Variants in RYR3 observed in about 807,000 individuals in gnomAD.
RYR3 encodes brain ryanodine receptor-calcium release channel.
A neutral mutation model predicts 584.3 loss-of-function variants in RYR3; 207 were observed. The ratio of observed to expected loss-of-function variants is 0.35; its 90% CI spans 0.32 to 0.40. RYR3 has a LOEUF of 0.40. Ranked by LOEUF, RYR3 falls within the 10% of genes least tolerant of loss-of-function variation. RYR3 has a pLI of 1.00. For missense variants in RYR3, 5,616 were observed against 6,089.2 expected (o/e 0.92, Z 2.59); for synonymous variants, 2,416 against 2,248.5 (o/e 1.07, Z -2.11).
intron 1 of RYR3, among the ~76,000 whole-genome samples, chr15:33,415,345 C>T (rs943693731): frequency 2.6e-5 from 4 of 152,076 alleles, no homozygotes; most frequent in African/African-American, 9.7e-5. Context: ...TGTGTGTATA[C>T]AGCTGTAAAA....
intron 1 of RYR3, among the ~76,000 whole-genome samples, chr15:33,378,801 T>C (rs915919587): frequency 6.6e-6 from 1 of 151,978 alleles, no homozygotes; most frequent in Admixed American, 6.6e-5. Context: ...CCCATCTCTA[T>C]AAAAAATAAG....
At chr15:33,398,695 A>T (rs1039389833) in intron 1 of RYR3, among the ~76,000 whole-genome samples, 1 of 152,188 alleles carries the variant, frequency 6.6e-6, no homozygotes, top group African/African-American at 2.4e-5. Flanking sequence ...GAGTGGTGTC[A>T]TGTGGTTAGG....
In RYR3 at chr15:33,788,345, T is replaced by TGGCAAAGGGGACACCCAGGA. The variant is rs1345887080; in HGVS notation, c.9722_9741dup (p.Glu3248LysfsTer29). 1.2e-6 allele frequency: 2 copies of TGGCAAAGGGGACACCCAGGA among 1,613,896 alleles called. No homozygotes were observed. Reference sequence around the variant, plus strand: ...AGGAGGAGGAGCAGTTGAAAGCCGATGGCAAAGGGGACACCCAGGAGGCAG... The same window carrying TGGCAAAGGGGACACCCAGGA: ...AGGAGGAGGAGCAGTTGAAAGCCGATGGCAAAGGGGACACCCAGGAGGCAAAGGGGACACCCAGGAGGCAG... On this transcript the variant is annotated frameshift_variant, in exon 67 of 104. Transcript: ENST00000634891. LOFTEE classifies it high-confidence loss of function.
intron 8 of RYR3, among the ~76,000 whole-genome samples, chr15:33,547,314 G>A (rs966408406): frequency 6.6e-6 from 1 of 152,134 alleles, no homozygotes; most frequent in Non-Finnish European, 1.5e-5. Flanking sequence ...GCAGCTGAAC[G>A]CAGTGTGGTA....
intron 19 of RYR3, among the ~76,000 whole-genome samples, chr15:33,617,173 G>C (rs1190660737): frequency 6.6e-6 from 1 of 152,174 alleles, no homozygotes; most frequent in Non-Finnish European, 1.5e-5. Context: ...TCAGCACTTT[G>C]GGAGGCTGAG....
intron 2 of RYR3, among the ~76,000 whole-genome samples, chr15:33,477,478 A>G (rs1486392527): frequency 6.6e-6 from 1 of 151,428 alleles, no homozygotes. Context: ...CCTTCCTTGA[A>G]GGTCTCCTGA....
chr15:33,445,714 C>T (rs1304857985), intron 1 of RYR3, among the ~76,000 whole-genome samples: 2 of 143,318 alleles, frequency 1.4e-5, no homozygotes, highest in Non-Finnish European at 3.0e-5. Flanking sequence ...CACACACACA[C>T]GAAAGCCATT....
chr15:33,537,696 G>A (rs144396187), intron 5 of RYR3, among the ~76,000 whole-genome samples: 164 of 152,274 alleles, frequency 1.1e-3, no homozygotes, highest in Middle Eastern at 3.4e-3. Flanking sequence ...ATTCCACAGC[G>A]ATGTGTCTTG....
rs2077003057 is a variant in RYR3, at chr15:33,819,674, A to AT, written c.10707-82_10707-81insT. The AT allele has an allele frequency of 1.7e-5, 14 of 847,822 alleles. No homozygotes were observed. In the East Asian group the frequency reaches 4.0e-4, roughly 24 times the overall value. 52.5% of individuals were successfully genotyped at this position (847,822 alleles called of 1,614,324 possible). A position where few individuals can be genotyped will look rare whatever the true frequency, so the allele number is the denominator to read the frequency against. ...AGGGGACAAGAGAAAACTCTGTCTCAAAAATAAATAAATAAATAAATAAAT... is the reference window on the plus strand; with the variant it reads ...AGGGGACAAGAGAAAACTCTGTCTCATAAAATAAATAAATAAATAAATAAAT... On this transcript the variant is annotated intron_variant, in intron 76 of 103. Transcript: ENST00000634891.
chr15:33,858,411 T>C (rs551233484), intron 99 of RYR3, among the ~76,000 whole-genome samples: 1 of 152,128 alleles, frequency 6.6e-6, no homozygotes, highest in Non-Finnish European at 1.5e-5. Context: ...TTCTCTATGT[T>C]GGTCAGGCTG....
chr15:33,669,395 C>A lies in RYR3; in HGVS notation c.5661C>A (p.Pro1887=), dbSNP rs2063683878. ...LLNFQLGENC[P]CPEEIREELY... ...ACTTTCAACTGGGAGAGAACTGCCC[C>A]TGCCCAGAGGAGATTCGGGAGGAGC... Residue 1887 remains proline, a synonymous_variant, in exon 37 of 104, where the codon CCC becomes CCA. Transcript: ENST00000634891. 6.2e-7 allele frequency: 1 copy of A among 1,613,976 alleles called. No homozygotes were observed. Among genetic ancestry groups the A allele is most frequent in the Non-Finnish European group, 8.5e-7 (1 of 1,179,878 alleles).
At chr15:33,718,089 T>G (rs1389099579) in intron 43 of RYR3, among the ~76,000 whole-genome samples, 1 of 152,234 alleles carries the variant, frequency 6.6e-6, no homozygotes, top group Admixed American at 6.5e-5. Context: ...ACCCTGCCCC[T>G]GTGATTCTCT....
intron 16 of RYR3, among the ~76,000 whole-genome samples, chr15:33,589,215 C>T (rs534135886): frequency 7.0e-4 from 107 of 152,270 alleles, no homozygotes; most frequent in Non-Finnish European, 1.2e-3. Context: ...TGATTAGTGA[C>T]GCTGAGCATT....
intron 48 of RYR3, among the ~76,000 whole-genome samples, chr15:33,735,764 G>A (rs112780812): frequency 4.0e-4 from 61 of 152,294 alleles, no homozygotes; most frequent in Non-Finnish European, 6.9e-4. Flanking sequence ...TTCCAGTAGT[G>A]AGAATTTCAT....
intron 86 of RYR3, among the ~76,000 whole-genome samples, chr15:33,832,476 G>A (rs1314305227): frequency 6.6e-6 from 1 of 151,886 alleles, no homozygotes; most frequent in Non-Finnish European, 1.5e-5. Flanking sequence ...CCAACATGGC[G>A]AAACCCCGTC....
Position 33,572,929 on chromosome 15 carries a change from G to A in RYR3, c.1268+6130G>A, listed in dbSNP as rs550811470. 4.6e-5 allele frequency among the ~76,000 whole-genome samples: 7 copies of A among 152,254 alleles called. No homozygotes were observed. In the South Asian group the frequency reaches 6.2e-4, roughly 14 times the overall value. ...GTGGAGGTTGCAGTGAGCCAAGATC[G>A]TGCCGTTGCACTCCAACCTGGGCAA... On this transcript the variant is annotated intron_variant, in intron 12 of 103. Transcript: ENST00000634891.
At chr15:33,543,769 A>C in intron 8 of RYR3, 54 bp downstream of exon 8, 2 of 1,121,856 alleles carry the variant, frequency 1.8e-6, no homozygotes, top group South Asian at 2.5e-5. Context: ...AAATGACTCA[A>C]ACTAAAGAGT....
At chr15:33,366,884 G>A (rs1975576604) in intron 1 of RYR3, among the ~76,000 whole-genome samples, 1 of 152,266 alleles carries the variant, frequency 6.6e-6, no homozygotes, top group South Asian at 2.1e-4. Context: ...ACAAAAGGAA[G>A]GATTTTCTAA....
chr15:33,578,294 A>G (rs2058403101), intron 12 of RYR3, among the ~76,000 whole-genome samples: 1 of 152,226 alleles, frequency 6.6e-6, no homozygotes, highest in Non-Finnish European at 1.5e-5. Context: ...TCTGTTATAA[A>G]GATACAGGTA....
Sources: allele counts gnomAD v4.1 joint callset (sites outside exome capture counted in the v4.1 genomes callset), GRCh38; gene constraint gnomAD v4.1.1; transcripts MANE v1.5; gene names NCBI Gene and HGNC (gene_info 2026-07-23, HGNC 2026-07-21).